AHCY: variants seen among roughly 807,000 people sequenced by gnomAD.
AHCY encodes the protein adenosylhomocysteinase.
A neutral mutation model predicts 45.4 loss-of-function variants in AHCY; 24 were observed. The observed-to-expected ratio is 0.53, with a 90% CI of 0.38 to 0.74. AHCY has a LOEUF of 0.74. Ranked by LOEUF, AHCY falls within the 30% of genes least tolerant of loss-of-function variation. AHCY has a pLI of 0.00. For missense variants in AHCY, 449 were observed against 594.1 expected (o/e 0.76, Z 2.54); for synonymous variants, 245 against 235.1 (o/e 1.04, Z -0.39).
chr20:34,285,570 T>C lies in AHCY; in HGVS notation c.1037A>G (p.Asn346Ser). Residue 346 changes from asparagine (N) to serine (S), a missense_variant, in exon 9 of 10, where the codon AAC (asparagine) becomes AGC (serine). Asn to Ser is a conservative substitution (Grantham distance 46, BLOSUM62 1). Transcript: ENST00000217426. ...IILLAEGRLVNLGCAMGHPSF... is the reference protein window; with the variant it reads ...IILLAEGRLVSLGCAMGHPSF... ...GGGGTGGCCCATGGCACAACCCAGG[T>C]TGACCAGCCGACCCTCGGCCAGCAG... 5 of 1,614,122 alleles carry C rather than the reference T, an allele frequency of 3.1e-6. No homozygotes were observed. Among genetic ancestry groups the C allele is most frequent in the Non-Finnish European group, 4.2e-6 (5 of 1,180,018 alleles).
chr20:34,292,531 G>A, intron 3 of AHCY, 24 bp from the exon 4 acceptor site: 1 of 1,613,616 alleles, frequency 6.2e-7, no homozygotes, highest in South Asian at 1.1e-5. Flanking sequence ...GGCACATCAG[G>A]GCCTGGACTT....
At chr20:34,261,311 C>A in the AHCY span, among the ~76,000 whole-genome samples, 1 of 151,960 alleles carries the variant, frequency 6.6e-6, no homozygotes, top group African/African-American at 2.4e-5. Flanking sequence ...CCAGACTGAG[C>A]GACATAGGGA....
chr20:34,240,927 G>C, the AHCY span, among the ~76,000 whole-genome samples: 6 of 152,122 alleles, frequency 3.9e-5, no homozygotes, highest in Non-Finnish European at 7.4e-5. Flanking sequence ...GAGTATGAAG[G>C]CATGACGTTT....
chr20:34,241,139 C>T, the AHCY span, among the ~76,000 whole-genome samples: 4 of 152,278 alleles, frequency 2.6e-5, no homozygotes, highest in Admixed American at 1.3e-4. Flanking sequence ...TTTCTTCTGC[C>T]GCCTATAGAG....
At chr20:34,254,189 A>G in the AHCY span, among the ~76,000 whole-genome samples, 4 of 152,090 alleles carry the variant, frequency 2.6e-5, no homozygotes, top group African/African-American at 9.7e-5. Context: ...CAGCCTCCCA[A>G]GTAGTTGGGA....
In AHCY at chr20:34,302,003, TTTG is replaced by T. The variant is rs1430781142; in HGVS notation, c.28+1237_28+1239del. The stretch of plus-strand genomic sequence containing the variant: ...CCAGACTTAATAGTGTCTTTTTTTG[TTTG>T]TTTTTTTTTTTTGAGACAGGGTCTT... On this transcript the variant is annotated intron_variant, in intron 1 of 9. Coordinates refer to ENST00000217426, the MANE Select transcript of AHCY (RefSeq NM_000687.4). The T allele has an allele frequency of 1.7e-4, 148 of 894,400 alleles. No homozygotes were observed. In the Admixed American group the frequency reaches 4.2e-3, roughly 25 times the overall value. The allele number at this position is 894,400 out of a possible 1,614,324, so 55.4% of individuals were successfully genotyped here.
the AHCY span, among the ~76,000 whole-genome samples, chr20:34,269,946 TA>T: frequency 0.027 from 1,618 of 58,914 alleles, 7 homozygotes; most frequent in Middle Eastern, 0.044. Flanking sequence ...AACTCTGTCT[TA>T]AAAAAAAAAA....
rs1369594480 is a variant in AHCY, at chr20:34,288,321, A to C, written c.972+2011T>G. Among the ~76,000 whole-genome samples, 7 of 152,118 alleles carry C rather than the reference A, an allele frequency of 4.6e-5. 1 individual carries two copies. The highest frequency in any genetic ancestry group is 1.0e-4 in the Non-Finnish European group (7 of 68,016). On this transcript the variant is annotated intron_variant, in intron 8 of 9. Transcript: ENST00000217426. ...CCAACTCTGTGTCTGTATCTTCCTT[A>C]TCATATCTCAAACACGGCACAGCAC...
chr20:34,253,676 G>C, the AHCY span, among the ~76,000 whole-genome samples: 1 of 151,752 alleles, frequency 6.6e-6, no homozygotes, highest in Non-Finnish European at 1.5e-5. Context: ...TCACCATGTT[G>C]GCCATGCTGG....
downstream of AHCY, among the ~76,000 whole-genome samples, chr20:34,275,660 A>G (rs1294157861): frequency 6.6e-6 from 1 of 150,690 alleles, no homozygotes; most frequent in Non-Finnish European, 1.5e-5. Context: ...CTCTCTCTCA[A>G]TTGTGTTGGC....
rs1488189759 is a variant in AHCY at position 34,303,306 on chromosome 20, G to A, written c.-36C>T. 1.2e-5 allele frequency: 18 copies of A among 1,551,618 alleles called. No homozygotes were observed. Among genetic ancestry groups the A allele is most frequent in the South Asian group, 5.9e-5 (5 of 84,070 alleles). ...CTCGTGATGGAAACGGGCGAAGGGG[G>A]CTGGGCCTCAGTCTGGGAACAGGAA... On this transcript the variant is annotated 5_prime_UTR_variant, in exon 1 of 10. Transcript: ENST00000217426.
At chr20:34,293,894 C>T (rs745316887) in intron 3 of AHCY, 187 bp downstream of exon 3, 1 of 683,580 alleles carries the variant, frequency 1.5e-6, no homozygotes, top group South Asian at 1.6e-5. Context: ...TAAACAACTT[C>T]CACAGGATTT....
At chr20:34,295,668 C>T in intron 1 of AHCY, 83 bp from the exon 2 acceptor site, 1 of 1,389,144 alleles carries the variant, frequency 7.2e-7, no homozygotes. Context: ...GACCCCGATC[C>T]ACGTGTGGAC....
chr20:34,307,465 C>CTTAAAATAA (rs2036907608), upstream of AHCY, among the ~76,000 whole-genome samples: 1 of 152,152 alleles, frequency 6.6e-6, no homozygotes, highest in South Asian at 2.1e-4. Flanking sequence ...CTCCTCCTCC[C>CTTAAAATAA]AAGTTCAAGC....
At chr20:34,236,954 G>GA in the AHCY span, among the ~76,000 whole-genome samples, 2 of 151,870 alleles carry the variant, frequency 1.3e-5, no homozygotes, top group Non-Finnish European at 2.9e-5. Context: ...ACCATTTGTT[G>GA]AAAAAAACTC....
At chr20:34,269,270 C>A in the AHCY span, 2 of 1,371,130 alleles carry the variant, frequency 1.5e-6, no homozygotes, top group Non-Finnish European at 1.9e-6. Context: ...TGCAGGCGGG[C>A]GGAGGTTCCA....
Position 34,292,517 on chromosome 20 carries a change from G to A in AHCY, c.296-10C>T. 1 of 1,613,792 alleles carries A rather than the reference G, an allele frequency of 6.2e-7. No individual in the cohort carries two copies. Among genetic ancestry groups the A allele is most frequent in the Non-Finnish European group, 8.5e-7 (1 of 1,179,982 alleles). On this transcript the variant is annotated splice_polypyrimidine_tract_variant and intron_variant, in intron 3 of 9. Coordinates refer to ENST00000217426, the MANE Select transcript of AHCY (RefSeq NM_000687.4). ...CCCTTCCAGGCATACACTGGAGGGT[G>A]AGTGGCACATCAGGGCCTGGACTTC...
the AHCY span, among the ~76,000 whole-genome samples, chr20:34,245,349 A>G: frequency 2.8e-3 from 416 of 150,832 alleles, 3 homozygotes; most frequent in Non-Finnish European, 2.5e-3. Flanking sequence ...AAAAAAAAAA[A>G]AGAGAGAGAG....
the AHCY span, among the ~76,000 whole-genome samples, chr20:34,274,536 C>T: frequency 1.3e-4 from 20 of 152,168 alleles, 1 homozygote; most frequent in Admixed American, 1.3e-3. Flanking sequence ...TTGTCAACAC[C>T]ACCCCAGGGA....
Sources: gnomAD v4.1 joint callset for allele counts (sites outside exome capture counted in the v4.1 genomes callset) on GRCh38, gnomAD v4.1.1 for gene constraint, MANE v1.5 for transcripts, NCBI Gene and HGNC (gene_info 2026-07-23, HGNC 2026-07-21) for gene names.